ACAP2: variants seen among roughly 807,000 people sequenced by gnomAD.
ACAP2 encodes arf-GAP with coiled-coil, ANK repeat and PH domain-containing protein 2.
Under a neutral mutation model 115.8 loss-of-function variants are expected in ACAP2, and 39 were observed. That is an observed-to-expected ratio of 0.34 (90% CI 0.26 to 0.44). ACAP2 has a LOEUF of 0.44. ACAP2 is among the 20% of genes least tolerant of loss of function. ACAP2 has a pLI of 1.00. For missense variants in ACAP2, 662 were observed against 927.6 expected (o/e 0.71, Z 3.72); for synonymous variants, 289 against 315.8 (o/e 0.92, Z 0.90).
chr3:195,306,237 T>C (rs1373180795), intron 13 of ACAP2, among the ~76,000 whole-genome samples: 1 of 152,164 alleles, frequency 6.6e-6, no homozygotes, highest in East Asian at 1.9e-4. Flanking sequence ...GGCACAATAC[T>C]TTTGGGGAAA....
At chr3:195,428,375 G>C (rs1714849626) in intron 1 of ACAP2, among the ~76,000 whole-genome samples, 1 of 149,098 alleles carries the variant, frequency 6.7e-6, no homozygotes, top group African/African-American at 2.5e-5. Context: ...CATATATATA[G>C]GTCTATACAT....
intron 9 of ACAP2, among the ~76,000 whole-genome samples, chr3:195,322,112 A>G (rs999879202): frequency 2.0e-5 from 3 of 152,102 alleles, no homozygotes; most frequent in Non-Finnish European, 4.4e-5. Context: ...TTAAACTTCC[A>G]ATTTTCTTCC....
intron 4 of ACAP2, among the ~76,000 whole-genome samples, chr3:195,353,108 G>A (rs1384046222): frequency 6.6e-6 from 1 of 150,788 alleles, no homozygotes; most frequent in African/African-American, 2.4e-5. Context: ...AGGCATTGGA[G>A]CTTCCTGTTT....
chr3:195,419,956 C>G (rs1027368003), intron 1 of ACAP2, among the ~76,000 whole-genome samples: 2 of 152,100 alleles, frequency 1.3e-5, no homozygotes, highest in Non-Finnish European at 2.9e-5. Context: ...GTCCTCATTG[C>G]TCTTATTTTT....
At chr3:195,359,568 C>T (rs557692964) in intron 4 of ACAP2, among the ~76,000 whole-genome samples, 3 of 152,246 alleles carry the variant, frequency 2.0e-5, no homozygotes, top group East Asian at 1.9e-4. Context: ...CCGGGGTTCA[C>T]GCCATTCTCC....
chr3:195,370,812 T>C (rs983948666), intron 4 of ACAP2, among the ~76,000 whole-genome samples: 6 of 151,958 alleles, frequency 3.9e-5, no homozygotes, highest in Admixed American at 3.9e-4. Flanking sequence ...ATTAGCCAGG[T>C]ATGGTGGTGG....
intron 1 of ACAP2, chr3:195,410,954 C>A: frequency 5.5e-6 from 2 of 366,078 alleles, no homozygotes; most frequent in Non-Finnish European, 5.5e-6. Flanking sequence ...AGATAGCTGG[C>A]CCTCACCAGA....
intron 12 of ACAP2, 46 bp downstream of exon 12, chr3:195,307,177 C>A: frequency 6.7e-7 from 1 of 1,489,704 alleles, no homozygotes. Context: ...TTAAGACAAA[C>A]TATAAAAACA....
At chr3:195,300,108 G>A (rs1257074877) in intron 15 of ACAP2, among the ~76,000 whole-genome samples, 2 of 146,714 alleles carry the variant, frequency 1.4e-5, no homozygotes, top group African/African-American at 2.6e-5. Context: ...GTGCAGTGGT[G>A]CGATCTCGGC....
rs982014713 is a variant in ACAP2, at chr3:195,389,869, C to T, written c.111+2221G>A. On this transcript the variant is annotated intron_variant, in intron 2 of 22. Coordinates refer to ENST00000326793, the MANE Select transcript of ACAP2 (RefSeq NM_012287.6). ...CTCCCCCAACGCGGATCCTGAAGTG[C>T]AGTGATGCGCAAGAAGAGCGCTGAA... 5.9e-5 allele frequency among the ~76,000 whole-genome samples: 9 copies of T among 152,312 alleles called. No individual in the cohort carries two copies. The East Asian group carries it at 1.5e-3, about 26-fold the overall frequency.
At chr3:195,440,339 C>T (rs1715904021) in intron 1 of ACAP2, among the ~76,000 whole-genome samples, 1 of 152,206 alleles carries the variant, frequency 6.6e-6, no homozygotes, top group Non-Finnish European at 1.5e-5. Flanking sequence ...CTCCCTATTT[C>T]AACCAGTCCC....
chr3:195,380,798 C>CTCT (rs914162224), intron 4 of ACAP2, among the ~76,000 whole-genome samples: 1 of 151,976 alleles, frequency 6.6e-6, no homozygotes, highest in Non-Finnish European at 1.5e-5. Flanking sequence ...GAAAATAATA[C>CTCT]TCTTATTCTC....
chr3:195,422,998 T>C (rs1012487562), intron 1 of ACAP2, among the ~76,000 whole-genome samples: 1 of 152,184 alleles, frequency 6.6e-6, no homozygotes, highest in Non-Finnish European at 1.5e-5. Flanking sequence ...GATGGAATAC[T>C]GATTCAAAGG....
At chr3:195,304,375 A>T (rs1448954460) in intron 13 of ACAP2, among the ~76,000 whole-genome samples, 1 of 152,190 alleles carries the variant, frequency 6.6e-6, no homozygotes, top group African/African-American at 2.4e-5. Context: ...GCACCAAATT[A>T]GAGAACTAAG....
intron 10 of ACAP2, among the ~76,000 whole-genome samples, chr3:195,311,913 TAA>T (rs1166039226): frequency 6.6e-6 from 1 of 151,974 alleles, no homozygotes; most frequent in Non-Finnish European, 1.5e-5. Flanking sequence ...CAAATTGAAA[TAA>T]CTCAATATAA....
intron 21 of ACAP2, among the ~76,000 whole-genome samples, chr3:195,287,404 A>AT (rs34303835): frequency 0.015 from 2,233 of 147,834 alleles, 47 homozygotes; most frequent in African/African-American, 0.048. Context: ...CACGTAAATA[A>AT]TTTTTTTTTT....
intron 1 of ACAP2, among the ~76,000 whole-genome samples, chr3:195,438,288 A>G (rs959422896): frequency 4.6e-5 from 7 of 151,808 alleles, no homozygotes; most frequent in African/African-American, 1.7e-4. Context: ...TCAGCCTCCC[A>G]AAGTGCTAGG....
intron 9 of ACAP2, among the ~76,000 whole-genome samples, chr3:195,322,056 T>G (rs1003825329): frequency 3.9e-5 from 6 of 152,216 alleles, no homozygotes; most frequent in Non-Finnish European, 7.3e-5. Context: ...TCACTCATAG[T>G]CTTCTTCTAG....
rs75945777 is a variant in ACAP2, at chr3:195,351,129, T to TTTTTTTTGG, written c.286-5813_286-5812insCCAAAAAAA. Among the ~76,000 whole-genome samples the TTTTTTTTGG allele has an allele frequency of 6.6e-4, 87 of 131,816 alleles. 1 individual carries two copies. Among genetic ancestry groups the TTTTTTTTGG allele is most frequent in the East Asian group, 5.5e-3 (18 of 3,298 alleles). The allele number at this position is 131,816 out of a possible 152,430, so 86.5% of individuals were successfully genotyped here. A position where few individuals can be genotyped will look rare whatever the true frequency, so the allele number is the denominator to read the frequency against. ...ATGAAGATAAATCCTTTTTTTTTTT[T>TTTTTTTTGG]GGGCGGGGGACAGGGTCTTGCTCTG... On this transcript the variant is annotated intron_variant, in intron 4 of 22. Coordinates refer to ENST00000326793, the MANE Select transcript of ACAP2 (RefSeq NM_012287.6).
Sources: gnomAD v4.1 joint callset for allele counts (sites outside exome capture counted in the v4.1 genomes callset) on GRCh38, gnomAD v4.1.1 for gene constraint, MANE v1.5 for transcripts, NCBI Gene and HGNC (gene_info 2026-07-23, HGNC 2026-07-21) for gene names.